CAMKK2: variants seen among roughly 807,000 people sequenced by gnomAD.
The protein encoded by CAMKK2 is calcium/calmodulin-dependent protein kinase kinase 2.
In CAMKK2, 30 loss-of-function variants were observed where a neutral mutation model predicts 67.2. The ratio of observed to expected loss-of-function variants is 0.45; its 90% CI spans 0.33 to 0.61. CAMKK2 has a LOEUF of 0.61. Ranked by LOEUF, CAMKK2 falls within the 20% of genes least tolerant of loss-of-function variation. The pLI, the probability that CAMKK2 is intolerant of heterozygous loss-of-function variation, is 0.02. For synonymous variants in CAMKK2, 322 were observed against 326.2 expected (o/e 0.99, Z 0.14); for missense variants, 643 against 802.0 (o/e 0.80, Z 2.39).
intron 1 of CAMKK2, among the ~76,000 whole-genome samples, chr12:121,288,404 A>G (rs958477591): frequency 6.6e-6 from 1 of 152,166 alleles, no homozygotes; most frequent in Non-Finnish European, 1.5e-5. Context: ...AGAAGAGTGC[A>G]GGGAGCCAGC....
intron 9 of CAMKK2, among the ~76,000 whole-genome samples, chr12:121,255,330 T>TTATATATATAATTATA (rs1211073673): frequency 3.6e-4 from 2 of 5,596 alleles, no homozygotes; most frequent in African/African-American, 1.4e-3. Flanking sequence ...ATATATATAA[T>TTATATATATAATTATA]TATATATAAT....
Position 121,238,938 on chromosome 12 carries a change from G to A in CAMKK2, c.*1761C>T, listed in dbSNP as rs1245064074. On this transcript the variant is annotated 3_prime_UTR_variant, in exon 17 of 17. Coordinates refer to ENST00000404169, the MANE Select transcript of CAMKK2 (RefSeq NM_001270485.2). ...AGCCAGGAGGGCAAGAGGAAGTGCT[G>A]GGTTACAAAGACCCAGCAAGCAGGC... 2 of 152,668 alleles carry A rather than the reference G, an allele frequency of 1.3e-5. No homozygotes were observed. The highest frequency in any genetic ancestry group is 4.8e-5 in the African/African-American group (2 of 41,456). The allele number at this position is 152,668 out of a possible 1,614,324, so 9.5% of individuals were successfully genotyped here.
intron 1 of CAMKK2, among the ~76,000 whole-genome samples, chr12:121,280,696 C>A (rs1380598754): frequency 6.6e-6 from 1 of 152,062 alleles, no homozygotes; most frequent in Non-Finnish European, 1.5e-5. Context: ...CTCTTATGGT[C>A]GAGATTGCAG....
chr12:121,278,735 T>C (rs528992668), intron 1 of CAMKK2, among the ~76,000 whole-genome samples: 1 of 152,342 alleles, frequency 6.6e-6, no homozygotes, highest in African/African-American at 2.4e-5. Context: ...GAACTATAAG[T>C]CCAGTTAAAC....
At chr12:121,278,459 CTG>C (rs1404270419) in intron 1 of CAMKK2, among the ~76,000 whole-genome samples, 1 of 152,244 alleles carries the variant, frequency 6.6e-6, no homozygotes, top group Non-Finnish European at 1.5e-5. Context: ...TGGTTTGACT[CTG>C]TGTCCTCTCC....
chr12:121,288,967 T>C (rs185913620), intron 1 of CAMKK2, among the ~76,000 whole-genome samples: 1 of 152,140 alleles, frequency 6.6e-6, no homozygotes, highest in Non-Finnish European at 1.5e-5. Context: ...TCAGAATTGT[T>C]CATCTTTTCC....
chr12:121,279,327 G>T (rs1191510725), intron 1 of CAMKK2, among the ~76,000 whole-genome samples: 1 of 152,212 alleles, frequency 6.6e-6, no homozygotes, highest in African/African-American at 2.4e-5. Flanking sequence ...AGGGACGCAG[G>T]CCCTGACAGG....
intron 16 of CAMKK2, among the ~76,000 whole-genome samples, chr12:121,243,171 T>G (rs1888722018): frequency 6.6e-6 from 1 of 151,740 alleles, no homozygotes; most frequent in African/African-American, 2.4e-5. Flanking sequence ...TAGCTGGGAC[T>G]ACAAGTGTGC....
In CAMKK2 at chr12:121,275,136, T is replaced by C. The variant is rs78532186; in HGVS notation, c.-59-551A>G. Among the ~76,000 whole-genome samples the C allele has an allele frequency of 1.5e-3, 234 of 152,240 alleles. 6 individuals carry two copies. The East Asian group carries it at 0.04, about 26-fold the overall frequency. ...CCTTTGTTTTTCCCAAGAGAAGCCC[T>C]AAGGAGGTTAATAAGTTTGCCTGAC... is the stretch of plus-strand genomic sequence containing the variant. On this transcript the variant is annotated intron_variant, in intron 1 of 16. Transcript: ENST00000404169.
intron 16 of CAMKK2, chr12:121,243,726 A>G: frequency 2.5e-6 from 1 of 393,754 alleles, no homozygotes; most frequent in Non-Finnish European, 3.7e-6. Context: ...AAATGTCGTA[A>G]AGTTGACGGT....
chr12:121,293,626 A>C (rs949942702), intron 1 of CAMKK2, among the ~76,000 whole-genome samples: 1 of 151,430 alleles, frequency 6.6e-6, no homozygotes, highest in African/African-American at 2.4e-5. Flanking sequence ...CTGGCCACTC[A>C]TCTTCCATCT....
At chr12:121,260,739 G>A (rs1397728708) in intron 6 of CAMKK2, among the ~76,000 whole-genome samples, 2 of 152,072 alleles carry the variant, frequency 1.3e-5, no homozygotes, top group Admixed American at 1.3e-4. Context: ...GATCACCTGA[G>A]GTCGGGAGTT....
chr12:121,240,464 C>G lies in CAMKK2; in HGVS notation c.*235G>C. 1.3e-6 allele frequency: 2 copies of G among 1,535,100 alleles called. No individual in the cohort carries two copies. The highest frequency in any genetic ancestry group is 1.7e-6 in the Non-Finnish European group (2 of 1,146,708). On this transcript the variant is annotated 3_prime_UTR_variant, in exon 17 of 17. Transcript: ENST00000404169. This position sits in a 1 kb window ranked among gnomAD's most constrained non-coding sequence, Gnocchi z 4.4. ...AATGCACGTGGGTTTGGGTCTGCAACTCCTCACACCCGCCTGTCCAGCCAG... is the reference window on the plus strand; with the variant it reads ...AATGCACGTGGGTTTGGGTCTGCAAGTCCTCACACCCGCCTGTCCAGCCAG...
At chr12:121,276,271 C>T (rs1896798958) in intron 1 of CAMKK2, among the ~76,000 whole-genome samples, 1 of 151,804 alleles carries the variant, frequency 6.6e-6, no homozygotes, top group African/African-American at 2.4e-5. Context: ...AGTTCAAGAC[C>T]AGCCTGGCCA....
At chr12:121,260,950 C>G (rs1893324042) in intron 6 of CAMKK2, among the ~76,000 whole-genome samples, 1 of 140,784 alleles carries the variant, frequency 7.1e-6, no homozygotes, top group Non-Finnish European at 1.5e-5. Flanking sequence ...AAGACTCTGT[C>G]TCAAAAAAAA....
intron 6 of CAMKK2, among the ~76,000 whole-genome samples, chr12:121,263,002 C>G (rs1893777164): frequency 1.3e-5 from 2 of 151,814 alleles, no homozygotes; most frequent in Admixed American, 1.3e-4. Flanking sequence ...GAGTTTCACT[C>G]TTGTTGCCCA....
chr12:121,247,679 G>A (rs1486013118), intron 14 of CAMKK2, among the ~76,000 whole-genome samples: 1 of 152,112 alleles, frequency 6.6e-6, no homozygotes, highest in Non-Finnish European at 1.5e-5. Context: ...GCCCCAGCCA[G>A]GGCTCAGCTT....
At chr12:121,269,486 G>A (rs1462860391) in intron 4 of CAMKK2, 42 bp downstream of exon 4, 1 of 1,487,950 alleles carries the variant, frequency 6.7e-7, no homozygotes, top group South Asian at 1.2e-5. Flanking sequence ...AGGCTCTTCT[G>A]TGGATAAGGA....
intron 9 of CAMKK2, among the ~76,000 whole-genome samples, chr12:121,254,288 T>C (rs1172176731): frequency 6.6e-6 from 1 of 151,500 alleles, no homozygotes. Context: ...CGAAACCCCA[T>C]CTCTACAAAA....
Sources: allele counts gnomAD v4.1 joint callset (sites outside exome capture counted in the v4.1 genomes callset), GRCh38; gene constraint gnomAD v4.1.1; non-coding constraint Gnocchi (gnomAD v3.1); transcripts MANE v1.5; gene names NCBI Gene and HGNC (gene_info 2026-07-23, HGNC 2026-07-21).